MGAT4C: variants seen among roughly 807,000 people sequenced by gnomAD.
The protein encoded by MGAT4C is MGAT4 family member C.
MGAT4C carries 19 observed loss-of-function variants against 40.1 expected under a neutral mutation model. That is an observed-to-expected ratio of 0.47 (90% CI 0.33 to 0.70). The LOEUF is 0.70. Among genes scored for constraint, MGAT4C ranks in the 30% least tolerant of loss-of-function variants. MGAT4C has a pLI of 0.02. For synonymous variants in MGAT4C, 181 were observed against 187.1 expected, an observed-to-expected ratio of 0.97 and a Z score of 0.27; for missense variants, 491 against 563.2, an observed-to-expected ratio of 0.87 and a Z score of 1.30.
At chr12:86,406,001 A>T (rs1413700474) in intron 3 of MGAT4C, among the ~76,000 whole-genome samples, 6 of 136,404 alleles carry the variant, frequency 4.4e-5, no homozygotes, top group African/African-American at 1.7e-4. Context: ...AATATATATT[A>T]TATATAAATA....
Position 86,153,354 on chromosome 12 carries a change from G to A in MGAT4C, c.-57+102885C>T, listed in dbSNP as rs188902120. ...TAAAATATTTAATAAATTGTTTGAG[G>A]TAAATCATGAAAGTATAACCCTAAA... On this transcript the variant is annotated intron_variant, in intron 1 of 4. Transcript: ENST00000611864. 3.3e-5 allele frequency among the ~76,000 whole-genome samples: 5 copies of A among 152,246 alleles called. No individual in the cohort carries two copies. The East Asian group carries it at 9.6e-4, about 29-fold the overall frequency.
At chr12:86,548,193 A>C (rs564617860) in intron 2 of MGAT4C, among the ~76,000 whole-genome samples, 95 of 152,238 alleles carry the variant, frequency 6.2e-4, no homozygotes, top group African/African-American at 2.3e-3. Flanking sequence ...ATCAATAGGA[A>C]TATGCATGGC....
intron 2 of MGAT4C, among the ~76,000 whole-genome samples, chr12:86,710,547 CTGGA>C (rs1950538952): frequency 6.6e-6 from 1 of 152,048 alleles, no homozygotes; most frequent in Non-Finnish European, 1.5e-5. Context: ...TAATTTTCAT[CTGGA>C]TGTGGTGAAA....
chr12:86,329,923 T>C (rs1177811997), intron 4 of MGAT4C, among the ~76,000 whole-genome samples: 1 of 152,220 alleles, frequency 6.6e-6, no homozygotes, highest in Non-Finnish European at 1.5e-5. Context: ...ATGCTTTTAA[T>C]AATCATAGGT....
intron 2 of MGAT4C, among the ~76,000 whole-genome samples, chr12:86,655,419 T>C (rs1270804978): frequency 2.0e-5 from 3 of 152,116 alleles, no homozygotes; most frequent in Non-Finnish European, 4.4e-5. Flanking sequence ...TATTTTGATA[T>C]TTCTTTTTGC....
chr12:86,217,292 A>G (rs1040250734), intron 1 of MGAT4C, among the ~76,000 whole-genome samples: 2 of 152,166 alleles, frequency 1.3e-5, no homozygotes, highest in African/African-American at 4.8e-5. Context: ...CTCCTGCCTC[A>G]GCCTCCTGAG....
chr12:86,569,846 A>C (rs531044046), intron 2 of MGAT4C, among the ~76,000 whole-genome samples: 24 of 152,290 alleles, frequency 1.6e-4, no homozygotes, highest in African/African-American at 5.5e-4. Context: ...ACACAATGGA[A>C]TACTATTCAG....
intron 2 of MGAT4C, among the ~76,000 whole-genome samples, chr12:86,627,680 A>G (rs1962866265): frequency 6.6e-6 from 1 of 152,214 alleles, no homozygotes; most frequent in Non-Finnish European, 1.5e-5. Flanking sequence ...ACTATCAAAC[A>G]GAAAGGAATA....
chr12:86,080,574 C>T (rs1344394726), intron 1 of MGAT4C, among the ~76,000 whole-genome samples: 2 of 152,150 alleles, frequency 1.3e-5, no homozygotes, highest in Non-Finnish European at 2.9e-5. Context: ...TGTCAGAGCG[C>T]ACACACGCTT....
intron 2 of MGAT4C, among the ~76,000 whole-genome samples, chr12:86,531,020 C>T (rs1296180916): frequency 6.6e-6 from 1 of 152,012 alleles, no homozygotes; most frequent in Non-Finnish European, 1.5e-5. Context: ...AGGATAGCAG[C>T]CCCCTCTATT....
Position 85,976,184 on chromosome 12 carries a change from G to A in MGAT4C, c.*3105C>T, listed in dbSNP as rs537796437. ...ATACTGGCCCAGTAAGAAATGGAAT[G>A]TTCACAACTCATAGTGTAGCTATAT... On this transcript the variant is annotated 3_prime_UTR_variant, in exon 5 of 5. Transcript: ENST00000611864. 22 of 150,522 alleles carry A rather than the reference G, an allele frequency of 1.5e-4. No homozygotes were observed. The highest frequency in any genetic ancestry group is 2.0e-4 in the Admixed American group (3 of 15,058). 9.3% of individuals were successfully genotyped at this position (150,522 alleles called of 1,614,324 possible). A position where few individuals can be genotyped will look rare whatever the true frequency, so the allele number is the denominator to read the frequency against.
At chr12:86,700,745 G>A (rs997934317) in intron 2 of MGAT4C, among the ~76,000 whole-genome samples, 1 of 152,006 alleles carries the variant, frequency 6.6e-6, no homozygotes, top group African/African-American at 2.4e-5. Context: ...TCTAAGTATT[G>A]ATTCTTGCAA....
chr12:86,447,594 TAG>T (rs1957361902), intron 2 of MGAT4C, among the ~76,000 whole-genome samples: 1 of 152,180 alleles, frequency 6.6e-6, no homozygotes, highest in Non-Finnish European at 1.5e-5. Context: ...TAAAATAAGT[TAG>T]AGAGTAAAAT....
chr12:86,051,716 C>CAATGTGAAT (rs1168817680), intron 1 of MGAT4C, among the ~76,000 whole-genome samples: 2 of 150,878 alleles, frequency 1.3e-5, no homozygotes, highest in African/African-American at 4.9e-5. Context: ...GTGGTATCTT[C>CAATGTGAAT]AATGTGAATA....
At chr12:86,404,079 A>G (rs1956419139) in intron 3 of MGAT4C, among the ~76,000 whole-genome samples, 1 of 152,164 alleles carries the variant, frequency 6.6e-6, no homozygotes, top group Admixed American at 6.5e-5. Flanking sequence ...GCTACTCGAG[A>G]GGCTGACACA....
intron 1 of MGAT4C, among the ~76,000 whole-genome samples, chr12:86,743,449 A>T (rs11104065): frequency 0.39 from 58,960 of 151,260 alleles, 11,598 homozygotes; most frequent in Non-Finnish European, 0.42. Context: ...TCCTGAAGAG[A>T]TTATTTTACA....
At chr12:86,639,858 G>C (rs529365613) in intron 2 of MGAT4C, among the ~76,000 whole-genome samples, 20 of 151,776 alleles carry the variant, frequency 1.3e-4, no homozygotes, top group African/African-American at 4.3e-4. Context: ...GCAACATCAA[G>C]ATTATAAGGT....
chr12:86,257,668 C>G (rs933784883), upstream of MGAT4C, among the ~76,000 whole-genome samples: 1 of 152,184 alleles, frequency 6.6e-6, no homozygotes, highest in Non-Finnish European at 1.5e-5. Flanking sequence ...ACTCAATGGC[C>G]TCAATAAGAG....
intron 4 of MGAT4C, among the ~76,000 whole-genome samples, chr12:86,301,160 G>T (rs1414245688): frequency 6.6e-6 from 1 of 152,170 alleles, no homozygotes; most frequent in Non-Finnish European, 1.5e-5. Context: ...ACAGTGAGAG[G>T]TGTGACATAT....
Sources: gnomAD v4.1 joint callset for allele counts (sites outside exome capture counted in the v4.1 genomes callset) on GRCh38, gnomAD v4.1.1 for gene constraint, MANE v1.5 for transcripts, NCBI Gene and HGNC (gene_info 2026-07-23, HGNC 2026-07-21) for gene names.